The following RALGPS2 variants were observed in gnomAD, a reference collection of about 807,000 sequenced individuals.
The protein encoded by RALGPS2 is ras-specific guanine nucleotide-releasing factor RalGPS2.
RALGPS2 carries 43 observed loss-of-function variants against 86.8 expected under a neutral mutation model. The ratio of observed to expected loss-of-function variants is 0.50; its 90% confidence interval spans 0.39 to 0.64. RALGPS2 has a LOEUF of 0.64. Among genes scored for constraint, RALGPS2 ranks in the 30% least tolerant of loss-of-function variants. RALGPS2 has a pLI of 0.00. For synonymous variants in RALGPS2, 243 were observed against 231.3 expected (o/e 1.05, Z -0.46); for missense variants, 536 against 694.6 (o/e 0.77, Z 2.57).
chr1:178,735,598 ATTCTTT>A (rs1650641495), intron 1 of RALGPS2, among the ~76,000 whole-genome samples: 1 of 57,476 alleles, frequency 1.7e-5, no homozygotes, highest in Non-Finnish European at 3.5e-5. Context: ...TAATTTTTGT[ATTCTTT>A]TTTTTTTTTT....
intron 1 of RALGPS2, among the ~76,000 whole-genome samples, chr1:178,768,791 A>C (rs948740772): frequency 1.3e-5 from 2 of 152,218 alleles, no homozygotes; most frequent in African/African-American, 4.8e-5. Context: ...CCAGACGCCC[A>C]GAAGTGTGTC....
chr1:178,890,948 CT>C (rs1308109604), intron 14 of RALGPS2, among the ~76,000 whole-genome samples: 2 of 151,974 alleles, frequency 1.3e-5, no homozygotes, highest in African/African-American at 4.8e-5. Context: ...TTGTCTTTCC[CT>C]CTAGAAAGAA....
intron 6 of RALGPS2, among the ~76,000 whole-genome samples, chr1:178,812,607 A>G (rs1655034676): frequency 6.6e-6 from 1 of 152,200 alleles, no homozygotes; most frequent in Non-Finnish European, 1.5e-5. Context: ...AGTATATTTT[A>G]GGGTAATATA....
chr1:178,850,713 A>G (rs1372181069), intron 8 of RALGPS2: 1 of 152,902 alleles, frequency 6.5e-6, no homozygotes, highest in Non-Finnish European at 1.5e-5. Flanking sequence ...CTGTATTTTT[A>G]TAAATAAAAT....
chr1:178,743,799 G>A (rs1177140077), intron 1 of RALGPS2, among the ~76,000 whole-genome samples: 1 of 151,970 alleles, frequency 6.6e-6, no homozygotes, highest in African/African-American at 2.4e-5. Flanking sequence ...CACTCAAGAA[G>A]AATATACAAC....
At chr1:178,897,956 C>G (rs1233674164) in intron 17 of RALGPS2, among the ~76,000 whole-genome samples, 200 bp downstream of exon 17, 1 of 152,030 alleles carries the variant, frequency 6.6e-6, no homozygotes, top group Non-Finnish European at 1.5e-5. Context: ...TTACGCTTAT[C>G]TATTTTGACA....
At chr1:178,839,530 A>G (rs1321250301) in intron 8 of RALGPS2, among the ~76,000 whole-genome samples, 1 of 152,106 alleles carries the variant, frequency 6.6e-6, no homozygotes, top group African/African-American at 2.4e-5. Context: ...CATGGAAAGG[A>G]ACAACTGGTA....
At chr1:178,780,630 G>A (rs1367284822) in intron 2 of RALGPS2, among the ~76,000 whole-genome samples, 1 of 152,090 alleles carries the variant, frequency 6.6e-6, no homozygotes, top group African/African-American at 2.4e-5. Flanking sequence ...AGTCTAATGA[G>A]AGAATACTAC....
At chr1:178,773,795 CAA>C (rs35536351) in intron 1 of RALGPS2, among the ~76,000 whole-genome samples, 5 of 108,674 alleles carry the variant, frequency 4.6e-5, no homozygotes, top group Admixed American at 9.8e-5. Context: ...GACTCCGTCT[CAA>C]AAAAAAAAAA....
chr1:178,747,904 A>G (rs953849422), intron 1 of RALGPS2: 1 of 538,102 alleles, frequency 1.9e-6, no homozygotes, highest in Non-Finnish European at 3.3e-6. Context: ...AGCACTACCT[A>G]TCTAAAAGAC....
At chr1:178,873,904 G>A (rs1020362504) in intron 8 of RALGPS2, among the ~76,000 whole-genome samples, 4 of 151,464 alleles carry the variant, frequency 2.6e-5, no homozygotes, top group Middle Eastern at 3.4e-3. Context: ...TTTTTGAGAC[G>A]GAGTCTTGCT....
At chr1:178,808,223 G>T in intron 5 of RALGPS2, 95 bp downstream of exon 5, 2 of 874,060 alleles carry the variant, frequency 2.3e-6, no homozygotes, top group Non-Finnish European at 3.7e-6. Context: ...ATCAGTTCTG[G>T]AATATTTTCA....
intron 1 of RALGPS2, among the ~76,000 whole-genome samples, chr1:178,748,933 A>G (rs1470283608): frequency 6.6e-6 from 1 of 151,500 alleles, no homozygotes; most frequent in Non-Finnish European, 1.5e-5. Context: ...TGTATACTAT[A>G]TATGTACTTT....
chr1:178,784,547 C>A, intron 3 of RALGPS2, 25 bp downstream of exon 3: 2 of 1,515,024 alleles, frequency 1.3e-6, no homozygotes, highest in East Asian at 2.3e-5. Context: ...TCTGTCTTCT[C>A]CGGTTTTGCA....
At chr1:178,885,260 GGATTTATTGTC>G in intron 12 of RALGPS2, 49 bp downstream of exon 12, 1 of 1,540,330 alleles carries the variant, frequency 6.5e-7, no homozygotes, top group Non-Finnish European at 8.8e-7. Flanking sequence ...TTTTGTAATT[GGATTTATTGTC>G]GATTTATTAG....
At chr1:178,839,969 C>T (rs887533263) in intron 8 of RALGPS2, among the ~76,000 whole-genome samples, 4 of 152,198 alleles carry the variant, frequency 2.6e-5, no homozygotes, top group Non-Finnish European at 5.9e-5. Flanking sequence ...AATATATATG[C>T]ACCCAATACA....
intron 17 of RALGPS2, among the ~76,000 whole-genome samples, chr1:178,898,233 T>C (rs575554361): frequency 6.6e-6 from 1 of 152,146 alleles, no homozygotes; most frequent in East Asian, 1.9e-4. Flanking sequence ...CTTTTTTGCA[T>C]GCTGTTTTGT....
At chr1:178,800,657 T>A (rs1654425225) in intron 4 of RALGPS2, among the ~76,000 whole-genome samples, 1 of 152,208 alleles carries the variant, frequency 6.6e-6, no homozygotes, top group Non-Finnish European at 1.5e-5. Context: ...AGCAGTAGGC[T>A]ATTAGTGGTT....
intron 6 of RALGPS2, among the ~76,000 whole-genome samples, chr1:178,816,960 G>A (rs895318293): frequency 1.1e-4 from 16 of 151,774 alleles, no homozygotes; most frequent in African/African-American, 3.1e-4. Context: ...CACCCACCTC[G>A]GCATCCCAAA....
Sources: allele counts gnomAD v4.1 joint callset (sites outside exome capture counted in the v4.1 genomes callset), GRCh38; gene constraint gnomAD v4.1.1; transcripts MANE v1.5; gene names NCBI Gene and HGNC (gene_info 2026-07-23, HGNC 2026-07-21).